The following SLC44A5 variants were observed in gnomAD, a reference collection of about 807,000 sequenced individuals.
The protein encoded by SLC44A5 is solute carrier family 44 member 5, also known as choline transporter-like protein 5.
A neutral mutation model predicts 101.8 loss-of-function variants in SLC44A5; 57 were observed. The ratio of observed to expected loss-of-function variants is 0.56; its 90% CI spans 0.45 to 0.70. The LOEUF (loss-of-function observed/expected upper bound fraction) is 0.70. SLC44A5 is among the 30% of genes least tolerant of loss of function. SLC44A5 has a pLI of 0.00. For missense variants in SLC44A5, 737 were observed against 853.1 expected (o/e 0.86, Z 1.70); for synonymous variants, 281 against 290.9 (o/e 0.97, Z 0.35).
intron 2 of SLC44A5, among the ~76,000 whole-genome samples, chr1:75,434,698 T>C (rs1025854613): frequency 2.8e-4 from 42 of 152,200 alleles, no homozygotes; most frequent in African/African-American, 9.6e-4. Flanking sequence ...CTCCCACCTA[T>C]CTGCCACTCC....
rs556324413 is a variant in SLC44A5 at position 75,587,493 on chromosome 1, G to A, written c.-70+23547C>T. Reference sequence around the variant, plus strand: ...TCATTCATCATTTAATGTGAACCTCGTCAGTAGCTACTTAATCACTGCTTT... The same window carrying A: ...TCATTCATCATTTAATGTGAACCTCATCAGTAGCTACTTAATCACTGCTTT... On this transcript the variant is annotated intron_variant, in intron 1 of 23. Transcript: ENST00000370859. 4.6e-5 allele frequency among the ~76,000 whole-genome samples: 7 copies of A among 152,158 alleles called. No homozygotes were observed. In the East Asian group the frequency reaches 1.2e-3, roughly 25 times the overall value.
intron 14 of SLC44A5, among the ~76,000 whole-genome samples, chr1:75,222,022 C>T (rs185325029): frequency 1.4e-3 from 213 of 150,154 alleles, no homozygotes; most frequent in African/African-American, 5.0e-3. Context: ...TGCAATGTCA[C>T]GATCTCAGCT....
At chr1:75,537,415 T>C (rs999787247) in intron 2 of SLC44A5, among the ~76,000 whole-genome samples, 1 of 152,214 alleles carries the variant, frequency 6.6e-6, no homozygotes, top group African/African-American at 2.4e-5. Context: ...CTCAAAGTAT[T>C]TTTGCTTATC....
chr1:75,560,732 G>A (rs903317309), intron 1 of SLC44A5, among the ~76,000 whole-genome samples: 2 of 152,142 alleles, frequency 1.3e-5, no homozygotes, highest in Non-Finnish European at 2.9e-5. Flanking sequence ...AGAGATGGAA[G>A]AAGCTCAGTT....
At chr1:75,507,578 G>A (rs1178100284) in intron 2 of SLC44A5, among the ~76,000 whole-genome samples, 1 of 152,100 alleles carries the variant, frequency 6.6e-6, no homozygotes, top group Non-Finnish European at 1.5e-5. Flanking sequence ...ATCAGTTAGG[G>A]AGAAGTCCCT....
At chr1:75,691,335 G>A in the SLC44A5 span, among the ~76,000 whole-genome samples, 1 of 152,126 alleles carries the variant, frequency 6.6e-6, no homozygotes, top group South Asian at 2.1e-4. Flanking sequence ...CAGAGGAGGG[G>A]TCAAGGCTGG....
intron 1 of SLC44A5, among the ~76,000 whole-genome samples, chr1:75,552,035 C>T (rs1557899823): frequency 6.6e-6 from 1 of 152,026 alleles, no homozygotes. Context: ...AATTGGCTGT[C>T]TCCATAGTTC....
chr1:75,448,925 T>C (rs771765516), intron 2 of SLC44A5, among the ~76,000 whole-genome samples: 5 of 152,128 alleles, frequency 3.3e-5, no homozygotes, highest in African/African-American at 4.8e-5. Context: ...TTCTCCTCTC[T>C]CCACTCCACT....
chr1:75,213,463 T>G (rs994937355), intron 22 of SLC44A5, among the ~76,000 whole-genome samples: 5 of 150,296 alleles, frequency 3.3e-5, no homozygotes, highest in Non-Finnish European at 7.4e-5. Context: ...ATCGGATTAG[T>G]GTCCTTATAA....
chr1:75,342,524 T>G lies in SLC44A5; in HGVS notation c.53-2894A>C, dbSNP rs1413003312. Among the ~76,000 whole-genome samples, 4 of 137,690 alleles carry G rather than the reference T, an allele frequency of 2.9e-5. 1 individual carries two copies. In the Admixed American group the frequency reaches 3.2e-4, roughly 11 times the overall value. The allele number at this position is 137,690 out of a possible 152,430, so 90.3% of individuals were successfully genotyped here. A position where few individuals can be genotyped will look rare whatever the true frequency, so the allele number is the denominator to read the frequency against. ...AGCTAACAAGAGGCGGAGGTGGCAT[T>G]GGAAGGCAGACTGTCCAACTCCAAA... On this transcript the variant is annotated intron_variant, in intron 3 of 23. Coordinates refer to ENST00000370859, the MANE Select transcript of SLC44A5 (RefSeq NM_001130058.2).
the SLC44A5 span, among the ~76,000 whole-genome samples, chr1:75,700,719 C>A: frequency 2.0e-5 from 3 of 152,092 alleles, no homozygotes; most frequent in African/African-American, 7.2e-5. Context: ...AATCCAGAGG[C>A]TGGTTTTTTG....
chr1:75,599,258 C>T (rs1674830028), intron 1 of SLC44A5, among the ~76,000 whole-genome samples: 1 of 151,984 alleles, frequency 6.6e-6, no homozygotes, highest in African/African-American at 2.4e-5. Flanking sequence ...GGGAGCAACG[C>T]TAAGAAAGAG....
intron 3 of SLC44A5, among the ~76,000 whole-genome samples, chr1:75,374,118 G>A (rs1660408004): frequency 6.6e-6 from 1 of 152,166 alleles, no homozygotes. Flanking sequence ...AGAAGGCTTG[G>A]GACAAGTCTA....
At chr1:75,288,487 G>T (rs1263968602) in intron 5 of SLC44A5, among the ~76,000 whole-genome samples, 2 of 152,164 alleles carry the variant, frequency 1.3e-5, no homozygotes, top group South Asian at 4.1e-4. Context: ...ATGAATGAAT[G>T]ATATAGGCAC....
intron 1 of SLC44A5, among the ~76,000 whole-genome samples, chr1:75,572,782 TG>T (rs1014822369): frequency 2.0e-5 from 3 of 151,786 alleles, no homozygotes; most frequent in African/African-American, 7.3e-5. Context: ...AAAAGAGGAA[TG>T]GGGAAGTAAA....
chr1:75,219,873 T>C lies in SLC44A5; in HGVS notation c.1105A>G (p.Ser369Gly). The stretch of plus-strand genomic sequence containing the variant: ...GTTAAAGCTGGATAGACTAATGTAC[T>C]AGGAACATATCCAATGGCTCTGAAA... ...EGSKAIGYVP[S>G]TLVYPALTFI... Residue 369 changes from serine (S) to glycine (G), a missense_variant, in exon 15 of 24, where the codon AGT becomes GGT. This residue lies in a region of SLC44A5 where 665 missense variants were observed against 764.4 expected (regional missense o/e 0.87). Coordinates refer to ENST00000370859, the MANE Select transcript of SLC44A5 (RefSeq NM_001130058.2). 1 of 1,608,154 alleles carries C rather than the reference T, an allele frequency of 6.2e-7. No homozygotes were observed. Among genetic ancestry groups the C allele is most frequent in the African/African-American group, 1.3e-5 (1 of 74,804 alleles).
At chr1:75,297,259 A>T (rs1236593792) in intron 5 of SLC44A5, among the ~76,000 whole-genome samples, 5 of 152,218 alleles carry the variant, frequency 3.3e-5, no homozygotes, top group African/African-American at 4.8e-5. Context: ...TAATCAATTT[A>T]AAAAGAAAAC....
At chr1:75,267,839 A>G (rs1041218014) in intron 6 of SLC44A5, among the ~76,000 whole-genome samples, 3 of 152,114 alleles carry the variant, frequency 2.0e-5, no homozygotes, top group African/African-American at 7.2e-5. Context: ...CCAAAGGGCT[A>G]GGATTACAGG....
At chr1:75,339,710 A>G (rs1657724247) in intron 3 of SLC44A5, 80 bp from the exon 4 acceptor site, 8 of 1,301,912 alleles carry the variant, frequency 6.1e-6, no homozygotes, top group Admixed American at 3.8e-5. Context: ...AAATATCTAC[A>G]TATTGGTTAG....
Sources: allele counts gnomAD v4.1 joint callset (sites outside exome capture counted in the v4.1 genomes callset), GRCh38; gene constraint gnomAD v4.1.1; regional missense constraint gnomAD v4.1.1; transcripts MANE v1.5; gene names NCBI Gene and HGNC (gene_info 2026-07-23, HGNC 2026-07-21).